Variants in DOCK4 observed in about 807,000 individuals in gnomAD.
The protein encoded by DOCK4 is dedicator of cytokinesis protein 4.
A neutral mutation model predicts 268.1 loss-of-function variants in DOCK4; 97 were observed. That is an observed-to-expected ratio of 0.36 (90% CI 0.31 to 0.43). The LOEUF (loss-of-function observed/expected upper bound fraction) is 0.43, where lower values mean the gene tolerates loss of function less well. DOCK4 is among the 20% of genes least tolerant of loss of function. The probability of loss-of-function intolerance (pLI) is 1.00; values close to 1 mark genes in which losing one functional copy is unlikely to be tolerated. For missense variants in DOCK4, 2,145 were observed against 2,455.7 expected (o/e 0.87, Z 2.67); for synonymous variants, 954 against 887.2 (o/e 1.08, Z -1.34).
chr7:112,103,893 A>G (rs1199234241), intron 1 of DOCK4, among the ~76,000 whole-genome samples: 1 of 151,976 alleles, frequency 6.6e-6, no homozygotes, highest in Non-Finnish European at 1.5e-5. Flanking sequence ...ATAAAAGAAG[A>G]AAAAAAATCC....
At chr7:112,146,874 G>C (rs548667561) in intron 1 of DOCK4, among the ~76,000 whole-genome samples, 1 of 152,136 alleles carries the variant, frequency 6.6e-6, no homozygotes, top group Non-Finnish European at 1.5e-5. Flanking sequence ...TCCAAAATTT[G>C]ATTATATTTT....
At chr7:111,795,786 G>T (rs1210217203) in intron 30 of DOCK4, among the ~76,000 whole-genome samples, 2 of 152,150 alleles carry the variant, frequency 1.3e-5, no homozygotes, top group Non-Finnish European at 2.9e-5. Flanking sequence ...AGGAAGAGAT[G>T]GGAAGCTCTG....
chr7:111,767,416 G>C (rs1335600456), intron 37 of DOCK4, among the ~76,000 whole-genome samples: 1 of 151,712 alleles, frequency 6.6e-6, no homozygotes, highest in Non-Finnish European at 1.5e-5. Flanking sequence ...TAGTAGAGAT[G>C]GGGTTTCACC....
At chr7:111,836,280 G>A (rs1347773141) in intron 25 of DOCK4, among the ~76,000 whole-genome samples, 1 of 151,618 alleles carries the variant, frequency 6.6e-6, no homozygotes, top group African/African-American at 2.4e-5. Flanking sequence ...CAAAAACAGT[G>A]TTTCCTTAGT....
chr7:111,945,532 T>G (rs1562923240), intron 9 of DOCK4, among the ~76,000 whole-genome samples, 185 bp downstream of exon 9: 1 of 152,202 alleles, frequency 6.6e-6, no homozygotes, highest in East Asian at 1.9e-4. Flanking sequence ...AGTAATACAC[T>G]AAAGGAATGA....
chr7:112,107,681 C>T (rs925203885), intron 1 of DOCK4, among the ~76,000 whole-genome samples: 1 of 152,106 alleles, frequency 6.6e-6, no homozygotes, highest in Non-Finnish European at 1.5e-5. Context: ...ATAGGAGAGA[C>T]AACATGGATG....
intron 1 of DOCK4, among the ~76,000 whole-genome samples, chr7:112,009,324 C>A (rs192723722): frequency 6.6e-6 from 1 of 152,346 alleles, no homozygotes; most frequent in East Asian, 1.9e-4. Context: ...TAAAAGGTCA[C>A]TTATGAGTCA....
In DOCK4 at chr7:111,795,250, G is replaced by A. The variant is rs186403219; in HGVS notation, c.3167-4645C>T. Among the ~76,000 whole-genome samples the A allele has an allele frequency of 3.9e-5, 6 of 152,098 alleles. No individual in the cohort carries two copies. In the South Asian group the frequency reaches 6.2e-4, roughly 16 times the overall value. On this transcript the variant is annotated intron_variant, in intron 30 of 52. Coordinates refer to ENST00000428084, the MANE Select transcript of DOCK4 (RefSeq NM_001363540.2). Reference sequence around the variant, plus strand: ...TGGGAGGCTGAGGCAGGAGGATCACGGAAGCCCAAAATGAAGTACAGCTGA... The same window carrying A: ...TGGGAGGCTGAGGCAGGAGGATCACAGAAGCCCAAAATGAAGTACAGCTGA...
At chr7:112,203,383 T>C (rs115165345) in intron 1 of DOCK4, among the ~76,000 whole-genome samples, 2,453 of 152,328 alleles carry the variant, frequency 0.016, 70 homozygotes, top group African/African-American at 0.057. Context: ...ACGGTGCCTA[T>C]ACATCAGTTA....
At chr7:112,200,351 A>C (rs1820803849) in intron 1 of DOCK4, among the ~76,000 whole-genome samples, 1 of 152,208 alleles carries the variant, frequency 6.6e-6, no homozygotes, top group African/African-American at 2.4e-5. Context: ...ATAGTCAAAC[A>C]AGATTAAAAG....
chr7:112,058,344 G>A (rs560676558), intron 1 of DOCK4, among the ~76,000 whole-genome samples: 1 of 152,030 alleles, frequency 6.6e-6, no homozygotes, highest in Non-Finnish European at 1.5e-5. Flanking sequence ...GGCTCCAAAA[G>A]CAATATGAAG....
chr7:111,822,267 A>C lies in DOCK4; in HGVS notation c.2930+95T>G, dbSNP rs564095192. Reference sequence around the variant, plus strand: ...AGGCTTAATTCAGAGGCAAAAAAAAAACTGCAAACTTGAGATCAAATGAAA... The same window carrying C: ...AGGCTTAATTCAGAGGCAAAAAAAACACTGCAAACTTGAGATCAAATGAAA... On this transcript the variant is annotated intron_variant, in intron 27 of 52. Coordinates refer to ENST00000428084, the MANE Select transcript of DOCK4 (RefSeq NM_001363540.2). 6.5e-6 allele frequency: 7 copies of C among 1,080,924 alleles called. No individual in the cohort carries two copies. In the African/African-American group the frequency reaches 9.8e-5, roughly 15 times the overall value. 67.0% of individuals were successfully genotyped at this position (1,080,924 alleles called of 1,614,324 possible). A position where few individuals can be genotyped will look rare whatever the true frequency, so the allele number is the denominator to read the frequency against.
intron 16 of DOCK4, 108 bp from the exon 17 acceptor site, chr7:111,877,294 A>G: frequency 1.0e-6 from 1 of 965,006 alleles, no homozygotes; most frequent in Non-Finnish European, 1.4e-6. Context: ...CATTCCAAAC[A>G]GTATTACAAG....
At chr7:112,066,804 G>A (rs1807106728) in intron 1 of DOCK4, among the ~76,000 whole-genome samples, 1 of 143,800 alleles carries the variant, frequency 7.0e-6, no homozygotes, top group Admixed American at 7.1e-5. Flanking sequence ...TGCAAGTGGC[G>A]AGTTCAAAGA....
intron 12 of DOCK4, among the ~76,000 whole-genome samples, chr7:111,924,184 T>C (rs1190072913): frequency 6.6e-6 from 1 of 152,250 alleles, no homozygotes; most frequent in Non-Finnish European, 1.5e-5. Flanking sequence ...AAGATCATGA[T>C]TCTCATTTGT....
intron 8 of DOCK4, among the ~76,000 whole-genome samples, chr7:111,952,336 T>C (rs2134888668): frequency 6.6e-6 from 1 of 152,258 alleles, no homozygotes; most frequent in Non-Finnish European, 1.5e-5. Flanking sequence ...GGAGGCACAG[T>C]AGGGATCTGA....
At chr7:112,200,726 A>AAAAAT (rs1683104881) in intron 1 of DOCK4, among the ~76,000 whole-genome samples, 3 of 16,354 alleles carry the variant, frequency 1.8e-4, no homozygotes, top group Admixed American at 1.2e-3. Flanking sequence ...CCTCTAAAAT[A>AAAAAT]AAAAAAAAAA....
intron 8 of DOCK4, among the ~76,000 whole-genome samples, chr7:111,973,339 T>C (rs1000248472): frequency 5.3e-5 from 8 of 152,052 alleles, no homozygotes; most frequent in Non-Finnish European, 8.8e-5. Context: ...TTGTAAATTA[T>C]AGCACTAACC....
chr7:111,986,381 C>T (rs1266986560), intron 6 of DOCK4, among the ~76,000 whole-genome samples: 1 of 152,182 alleles, frequency 6.6e-6, no homozygotes, highest in South Asian at 2.1e-4. Flanking sequence ...TGTTCAGCTT[C>T]TGTTAGCTTC....
Sources: allele counts gnomAD v4.1 joint callset (sites outside exome capture counted in the v4.1 genomes callset), GRCh38; gene constraint gnomAD v4.1.1; transcripts MANE v1.5; gene names NCBI Gene and HGNC (gene_info 2026-07-23, HGNC 2026-07-21).